Variants in SLC25A45 observed in about 807,000 individuals in gnomAD.
SLC25A45 encodes the protein solute carrier family 25 member 45, also known as methylated amino-acid transporter SLC25A45.
In SLC25A45, 22 loss-of-function variants were observed where a neutral mutation model predicts 23.0. That is an observed-to-expected ratio of 0.95 (90% confidence interval 0.68 to 1.36). The LOEUF is 1.36. Among genes scored for constraint, SLC25A45 ranks in the 40% most tolerant of loss-of-function variants. The pLI is 0.00. For synonymous variants in SLC25A45, 136 were observed against 155.0 expected, an observed-to-expected ratio of 0.88 and a Z score of 0.91; for missense variants, 355 against 383.5, an observed-to-expected ratio of 0.93 and a Z score of 0.62.
At chr11:65,379,346 C>A in intron 5 of SLC25A45, 30 bp downstream of exon 5, 10 of 1,602,376 alleles carry the variant, frequency 6.2e-6, no homozygotes, top group South Asian at 1.1e-5. Flanking sequence ...CCCTATGACA[C>A]CTGTGTGTGC....
chr11:65,376,847 C>A lies in SLC25A45; in HGVS notation c.569G>T (p.Arg190Leu). Reference protein sequence around the residue: ...IYFITYEGLCRQYTPEGQNPS... With the variant: ...IYFITYEGLCLQYTPEGQNPS... The stretch of plus-strand genomic sequence containing the variant: ...ATTCTGGCCTTCTGGTGTGTACTGG[C>A]GACAGAGCCCTTCATAGGTGATGAA... The change falls in exon 6 of 7, where the codon CGC (arginine) becomes CTC (leucine). Residue 190 changes from arginine (R) to leucine (L), a missense_variant. Arg to Leu is a moderately radical substitution (Grantham distance 102). Transcript: ENST00000398802. 1 of 1,614,204 alleles carries A rather than the reference C, an allele frequency of 6.2e-7. No homozygotes were observed. The highest frequency in any genetic ancestry group is 8.5e-7 in the Non-Finnish European group (1 of 1,180,036).
chr11:65,376,609 A>G lies in SLC25A45; in HGVS notation c.665T>C (p.Leu222Ser). Residue 222 changes from leucine to serine, a missense_variant, in exon 7 of 7, where the codon TTA (leucine) becomes TCA (serine). Transcript: ENST00000398802. The stretch of plus-strand genomic sequence containing the variant: ...CTGCATCCGGGACTTGATCATGTCT[A>G]AGGGCGTGGCTGCCACCCAGGAAGC... Reference protein sequence around the residue: ...GIASWVAATPLDMIKSRMQMD... With the variant: ...GIASWVAATPSDMIKSRMQMD... 6.2e-7 allele frequency: 1 copy of G among 1,614,100 alleles called. No individual in the cohort carries two copies. Among genetic ancestry groups the G allele is most frequent in the Non-Finnish European group, 8.5e-7 (1 of 1,179,990 alleles).
rs1565579253 is a variant in SLC25A45, at chr11:65,379,536, C to CTCAT, written c.175_178dup (p.Ser60AsnfsTer20). ...CACAGCTATGCTGGCAATGGGGAAG[C>CTCAT]TCATTCCCTTGAAGAAGCCCAGGAG... On this transcript the variant is annotated frameshift_variant, in exon 5 of 7. Transcript: ENST00000398802. LOFTEE classifies it high-confidence loss of function. 3.1e-6 allele frequency: 5 copies of CTCAT among 1,611,302 alleles called. No homozygotes were observed. The East Asian group carries it at 8.9e-5, about 29-fold the overall frequency.
chr11:65,376,808 C>T lies in SLC25A45; in HGVS notation c.598+10G>A, dbSNP rs752786124. On this transcript the variant is annotated intron_variant, in intron 6 of 6. Coordinates refer to ENST00000398802, the MANE Select transcript of SLC25A45 (RefSeq NM_182556.4). ...CTCTGTCCCCCATCCTCTCACGCCA[C>T]TTTACTTACTGGGATTCTGGCCTTC... 6 of 1,614,100 alleles carry T rather than the reference C, an allele frequency of 3.7e-6. No individual in the cohort carries two copies. The South Asian group carries it at 6.6e-5, about 18-fold the overall frequency.
intron 2 of SLC25A45, chr11:65,381,560 C>CTTTT (rs34891223): frequency 0.016 from 1,335 of 84,280 alleles, 16 homozygotes; most frequent in East Asian, 0.021. Context: ...TGCCCTGATT[C>CTTTT]TTTTTTTTTT....
At chr11:65,377,788 G>A (rs956576143) in intron 5 of SLC25A45, 9 of 152,456 alleles carry the variant, frequency 5.9e-5, no homozygotes, top group African/African-American at 2.2e-4. Flanking sequence ...GGGCAATTAA[G>A]ATTTGGGTCA....
In SLC25A45 at chr11:65,376,370, T is replaced by A; in HGVS notation, c.*37A>T. The stretch of plus-strand genomic sequence containing the variant: ...CAATCTCAAACTGGCCTCCAGGCCG[T>A]GGGCCTGATGGGGAGCTGCTGGCAT... On this transcript the variant is annotated 3_prime_UTR_variant, in exon 7 of 7. Coordinates refer to ENST00000398802, the MANE Select transcript of SLC25A45 (RefSeq NM_182556.4). 1 of 1,602,036 alleles carries A rather than the reference T, an allele frequency of 6.2e-7. No individual in the cohort carries two copies. Among genetic ancestry groups the A allele is most frequent in the Non-Finnish European group, 8.5e-7 (1 of 1,170,666 alleles).
At position 65,376,069 on chromosome 11, in the gene SLC25A45, CAAAAAAAAAAAAA is replaced by C. The variant is rs35193480; in HGVS notation, c.*325_*337del. 3.7e-5 allele frequency: 4 copies of C among 108,710 alleles called. No individual in the cohort carries two copies. The highest frequency in any genetic ancestry group is 7.0e-5 in the Non-Finnish European group (4 of 57,042). 6.7% of individuals were successfully genotyped at this position (108,710 alleles called of 1,614,324 possible). ...TGGGTGACAGAGAAAGACTCCATCT[CAAAAAAAAAAAAA>C]AAAAAAAAAAGAGGTGAAGGCACAG... On this transcript the variant is annotated 3_prime_UTR_variant, in exon 7 of 7. Transcript: ENST00000398802.
chr11:65,381,858 C>T (rs755618311), intron 2 of SLC25A45, 57 bp downstream of exon 2: 71 of 1,611,012 alleles, frequency 4.4e-5, no homozygotes, highest in Non-Finnish European at 5.4e-5. Flanking sequence ...ACCCATCTTC[C>T]CGAGGAAGTG....
At position 65,382,295 on chromosome 11, in the gene SLC25A45, C is replaced by A. The variant is rs951686420; in HGVS notation, c.-19+191G>T. The A allele has an allele frequency of 8.5e-6, 3 of 353,462 alleles. No individual in the cohort carries two copies. Among genetic ancestry groups the A allele is most frequent in the Non-Finnish European group, 1.1e-5 (2 of 184,590 alleles). 21.9% of individuals were successfully genotyped at this position (353,462 alleles called of 1,614,324 possible). ...GCCCCTCCAGGGCTGCCTTAGTCAG[C>A]AAGAGGCAAGCCCCTGCCTGCCCAG... On this transcript the variant is annotated intron_variant, in intron 1 of 6. Transcript: ENST00000398802. This position sits in a 1 kb window ranked among gnomAD's most constrained non-coding sequence, Gnocchi z 4.4.
At position 65,376,226 on chromosome 11, in the gene SLC25A45, C is replaced by T; in HGVS notation, c.*181G>A. Reference sequence around the variant, plus strand: ...CAGCTACACAGGGAGGCTGCACAGGCCCCCTGGCTTCCGGCTCCCACAGGT... The same window carrying T: ...CAGCTACACAGGGAGGCTGCACAGGTCCCCTGGCTTCCGGCTCCCACAGGT... On this transcript the variant is annotated 3_prime_UTR_variant, in exon 7 of 7. Transcript: ENST00000398802. The T allele has an allele frequency of 1.5e-6, 1 of 671,952 alleles. No homozygotes were observed. Among genetic ancestry groups the T allele is most frequent in the Non-Finnish European group, 2.5e-6 (1 of 406,606 alleles). 41.6% of individuals were successfully genotyped at this position (671,952 alleles called of 1,614,324 possible). A position where few individuals can be genotyped will look rare whatever the true frequency, so the allele number is the denominator to read the frequency against.
chr11:65,379,037 G>T (rs1478262945), intron 5 of SLC25A45: 2 of 320,238 alleles, frequency 6.2e-6, no homozygotes, highest in Non-Finnish European at 1.2e-5. Flanking sequence ...GGTTCTCCAG[G>T]GTCAAAGGTC....
rs1855240921 is a variant in SLC25A45 at position 65,376,998 on chromosome 11, G to A, written c.418C>T (p.Pro140Ser). The change falls in exon 6 of 7, where the codon CCC (proline) becomes TCC (serine). Residue 140 changes from proline (P) to serine (S), a missense_variant. Pro to Ser is a moderately conservative substitution (Grantham distance 74). Coordinates refer to ENST00000398802, the MANE Select transcript of SLC25A45 (RefSeq NM_182556.4). ...ACGGGCCCCTGGTACCGGGGTGGGGGGCTCCCTGGCTGGGCCCTTGGCTCT... is the reference window on the plus strand; with the variant it reads ...ACGGGCCCCTGGTACCGGGGTGGGGAGCTCCCTGGCTGGGCCCTTGGCTCT... ...QTEPRAQPGS[P>S]PPRYQGPVHC... is the part of the protein sequence containing the mutation. The A allele has an allele frequency of 1.1e-5, 17 of 1,613,794 alleles. No individual in the cohort carries two copies. The highest frequency in any genetic ancestry group is 2.2e-5 in the East Asian group (1 of 44,884).
Position 65,379,396 on chromosome 11 carries a change from A to G in SLC25A45, c.319T>C (p.Cys107Arg). 1 of 1,611,194 alleles carries G rather than the reference A, an allele frequency of 6.2e-7. No homozygotes were observed. The highest frequency in any genetic ancestry group is 8.5e-7 in the Non-Finnish European group (1 of 1,179,922). ...CTCACCTGCAGGAACCCCCCGGTGCAGCCCGCTAGGAAGATGTGCATGTAG... is the reference window on the plus strand; with the variant it reads ...CTCACCTGCAGGAACCCCCCGGTGCGGCCCGCTAGGAAGATGTGCATGTAG... ...PSYMHIFLAG[C>R]TGGFLQAYCL... The change falls in exon 5 of 7, where the codon TGC becomes CGC. Residue 107 changes from cysteine to arginine, a missense_variant. Cys to Arg is a radical substitution (Grantham distance 180). Coordinates refer to ENST00000398802, the MANE Select transcript of SLC25A45 (RefSeq NM_182556.4).
chr11:65,377,189 G>A, intron 5 of SLC25A45, 113 bp from the exon 6 acceptor site: 1 of 1,460,034 alleles, frequency 6.8e-7, no homozygotes, highest in South Asian at 1.4e-5. Context: ...AGTCCCTCAG[G>A]AACCCTGCCG....
intron 2 of SLC25A45, chr11:65,380,908 G>A (rs894438941): frequency 1.2e-5 from 3 of 240,968 alleles, no homozygotes; most frequent in African/African-American, 2.3e-5. Flanking sequence ...GACAGCAGGT[G>A]AGGTCAAAGG....
Position 65,379,484 on chromosome 11 carries a change from A to G in SLC25A45, c.231T>C (p.Tyr77=), listed in dbSNP as rs1393300190. 11 of 1,613,980 alleles carry G rather than the reference A, an allele frequency of 6.8e-6. No homozygotes were observed. The Admixed American group carries it at 1.8e-4, about 27-fold the overall frequency. Residue 77 remains tyrosine (Y), a synonymous_variant, in exon 5 of 7, where the codon TAT becomes TAC. Coordinates refer to ENST00000398802, the MANE Select transcript of SLC25A45 (RefSeq NM_182556.4). ...CCGTGAGCACCAGCAGGGTGTTGCT[A>G]TAGACCCCAAACAGGACAGAGTTGA... ...AVVNSVLFGV[Y]SNTLLVLTAT...
chr11:65,377,441 C>A, intron 5 of SLC25A45: 1 of 1,056,304 alleles, frequency 9.5e-7, no homozygotes, highest in Non-Finnish European at 1.1e-6. Context: ...GTGGGCAGGG[C>A]CAAGTGAAGG....
chr11:65,379,860 CACTCACGG>C lies in SLC25A45; in HGVS notation c.152_153+6del, dbSNP rs1565580026. On this transcript the variant is annotated splice_donor_variant and splice_donor_5th_base_variant and coding_sequence_variant and intron_variant, in exon 4 of 7. Coordinates refer to ENST00000398802, the MANE Select transcript of SLC25A45 (RefSeq NM_182556.4). LOFTEE classifies it high-confidence loss of function. ...GGGGAAGGACCCCAAAGGAGTGGGCCACTCACGGACTCATGGCGGTAAATCTTGACCAT... is the reference window on the plus strand; with the variant it reads ...GGGGAAGGACCCCAAAGGAGTGGGCCACTCATGGCGGTAAATCTTGACCAT... 4.3e-6 allele frequency: 7 copies of C among 1,614,186 alleles called. No homozygotes were observed. Among genetic ancestry groups the C allele is most frequent in the Non-Finnish European group, 5.9e-6 (7 of 1,180,028 alleles).
Sources: gnomAD v4.1 joint callset for allele counts on GRCh38, gnomAD v4.1.1 for gene constraint, Gnocchi (gnomAD v3.1) non-coding constraint, MANE v1.5 for transcripts, NCBI Gene and HGNC (gene_info 2026-07-23, HGNC 2026-07-21) for gene names.